The following PRKCH variants were observed in gnomAD, a reference collection of about 807,000 sequenced individuals.
PRKCH encodes protein kinase C eta.
Under a neutral mutation model 82.5 loss-of-function variants are expected in PRKCH, and 28 were observed. The ratio of observed to expected loss-of-function variants is 0.34; its 90% CI spans 0.25 to 0.47. PRKCH has a LOEUF of 0.47. Ranked by LOEUF, PRKCH falls within the 20% of genes least tolerant of loss-of-function variation. The pLI is 1.00. For missense variants in PRKCH, 705 were observed against 881.8 expected, an observed-to-expected ratio of 0.80 and a Z score of 2.54; for synonymous variants, 322 against 327.4, an observed-to-expected ratio of 0.98 and a Z score of 0.18.
chr14:61,290,196 G>A (rs576597262), intron 1 of PRKCH, among the ~76,000 whole-genome samples: 1 of 152,088 alleles, frequency 6.6e-6, no homozygotes, highest in African/African-American at 2.4e-5. Context: ...GAAGGCTGAG[G>A]CAGGAGAATT....
intron 1 of PRKCH, among the ~76,000 whole-genome samples, chr14:61,191,317 T>G (rs1427541824): frequency 6.6e-6 from 1 of 152,216 alleles, no homozygotes; most frequent in Admixed American, 6.5e-5. Flanking sequence ...TCACCTATTT[T>G]TTTCTCAGGC....
chr14:61,452,971 C>T, intron 6 of PRKCH: 2 of 487,774 alleles, frequency 4.1e-6, no homozygotes, highest in South Asian at 2.5e-5. Flanking sequence ...TGGGTTTCAT[C>T]AAATCATGGT....
intron 1 of PRKCH, among the ~76,000 whole-genome samples, chr14:61,188,588 TC>T (rs1257723079): frequency 0.094 from 6,534 of 69,426 alleles, 1,405 homozygotes; most frequent in Admixed American, 0.21. Context: ...TGTGTGTGTG[TC>T]GGGGGGGTGG....
chr14:61,463,775 A>T (rs927317747), intron 9 of PRKCH, among the ~76,000 whole-genome samples: 1 of 152,130 alleles, frequency 6.6e-6, no homozygotes, highest in Non-Finnish European at 1.5e-5. Flanking sequence ...TTCTGTTTCT[A>T]TGAGTTTGGC....
At chr14:61,247,735 CAAAAAAA>C (rs202153655) in intron 1 of PRKCH, among the ~76,000 whole-genome samples, 3 of 52,720 alleles carry the variant, frequency 5.7e-5, no homozygotes, top group African/African-American at 7.9e-5. Flanking sequence ...GACTCCATCT[CAAAAAAA>C]AAAAAAAAAA....
chr14:61,390,253 A>G (rs115931011), intron 1 of PRKCH, among the ~76,000 whole-genome samples: 4,005 of 152,230 alleles, frequency 0.026, 159 homozygotes, highest in African/African-American at 0.09. Context: ...GTCTTTCGGA[A>G]ACTGGACTAT....
chr14:61,437,644 C>T (rs563923601), intron 2 of PRKCH, among the ~76,000 whole-genome samples: 1 of 151,972 alleles, frequency 6.6e-6, no homozygotes, highest in Non-Finnish European at 1.5e-5. Flanking sequence ...ACCAGGAGAC[C>T]TGGTGTTAAT....
chr14:61,201,359 G>A (rs1405844885), intron 1 of PRKCH, among the ~76,000 whole-genome samples: 3 of 152,248 alleles, frequency 2.0e-5, no homozygotes, highest in Admixed American at 2.0e-4. Context: ...CGGCTCTTCA[G>A]TGGCAGAGCT....
intron 1 of PRKCH, among the ~76,000 whole-genome samples, chr14:61,200,303 T>C (rs2140038066): frequency 6.6e-6 from 1 of 152,322 alleles, no homozygotes; most frequent in East Asian, 1.9e-4. Context: ...CCCTAGACTC[T>C]TCATTCATTA....
At chr14:61,369,930 A>G (rs952320539) in intron 1 of PRKCH, among the ~76,000 whole-genome samples, 2 of 152,026 alleles carry the variant, frequency 1.3e-5, no homozygotes, top group Admixed American at 6.5e-5. Context: ...ATATGTGTAT[A>G]TATATGTGTG....
At position 61,280,570 on chromosome 14, in the gene PRKCH, C is replaced by G; in HGVS notation, c.-19+92902C>G. On this transcript the variant is annotated intron_variant, in intron 1 of 3. Transcript: ENST00000555185. This position sits in a 1 kb window ranked among gnomAD's most constrained non-coding sequence, Gnocchi z 5.0. ...GTCGGTCCACCAGGCGATGCCGGAGCGGTCGAGCGGCACCTCGACGTAGGG... is the reference window on the plus strand; with the variant it reads ...GTCGGTCCACCAGGCGATGCCGGAGGGGTCGAGCGGCACCTCGACGTAGGG... 4 of 1,604,702 alleles carry G rather than the reference C, an allele frequency of 2.5e-6. No individual in the cohort carries two copies. The highest frequency in any genetic ancestry group is 3.4e-6 in the Non-Finnish European group (4 of 1,176,090).
rs752497357 is a variant in PRKCH at position 61,280,272 on chromosome 14, C to A, written c.-19+92604C>A. 6.2e-7 allele frequency: 1 copy of A among 1,613,964 alleles called. No individual in the cohort carries two copies. Among genetic ancestry groups the A allele is most frequent in the Non-Finnish European group, 8.5e-7 (1 of 1,179,988 alleles). On this transcript the variant is annotated intron_variant, in intron 1 of 3. Transcript: ENST00000555185. The surrounding 1 kb of genome is among the most constrained non-coding windows in gnomAD (Gnocchi z 5.0). ...GCTTGTGGCCGCCGAACGCGCGCAC[C>A]GGGTAGTTGTAGGTGATGTTGACGC...
At chr14:61,433,043 C>CAAAAAAAAAAAAAAAAAAA (rs34477992) in intron 2 of PRKCH, among the ~76,000 whole-genome samples, 25 of 110,956 alleles carry the variant, frequency 2.3e-4, no homozygotes, top group African/African-American at 8.6e-4. Flanking sequence ...CCAACCTCTT[C>CAAAAAAAAAAAAAAAAAAA]AAAAAAAAAA....
chr14:61,366,264 G>A (rs1297278144), intron 1 of PRKCH, among the ~76,000 whole-genome samples: 1 of 152,108 alleles, frequency 6.6e-6, no homozygotes, highest in Non-Finnish European at 1.5e-5. Flanking sequence ...TTTTAAATTA[G>A]CATATTGCCA....
At chr14:61,310,246 C>T (rs944271676) in intron 1 of PRKCH, among the ~76,000 whole-genome samples, 5 of 152,190 alleles carry the variant, frequency 3.3e-5, no homozygotes, top group African/African-American at 1.2e-4. Context: ...CAAAAGTCCA[C>T]AGTCCAAAGT....
At chr14:61,210,953 C>G (rs1220103829) in intron 1 of PRKCH, among the ~76,000 whole-genome samples, 1 of 152,110 alleles carries the variant, frequency 6.6e-6, no homozygotes, top group Non-Finnish European at 1.5e-5. Flanking sequence ...AGCGTTAACC[C>G]AAAAGTCCAA....
chr14:61,432,457 C>G (rs576256847), intron 2 of PRKCH, among the ~76,000 whole-genome samples: 2 of 152,142 alleles, frequency 1.3e-5, no homozygotes, highest in African/African-American at 2.4e-5. Context: ...TCTCAGTTTT[C>G]TGAAATATCT....
chr14:61,428,434 G>C (rs1231361637), intron 2 of PRKCH, among the ~76,000 whole-genome samples: 1 of 152,096 alleles, frequency 6.6e-6, no homozygotes, highest in African/African-American at 2.4e-5. Context: ...GCTTTCACTA[G>C]TTTTTCAGGG....
intron 11 of PRKCH, 81 bp downstream of exon 11, chr14:61,529,294 G>A: frequency 6.7e-7 from 1 of 1,496,370 alleles, no homozygotes; most frequent in Non-Finnish European, 9.0e-7. Flanking sequence ...CTGCTTTTAT[G>A]CACTGCAGCT....
Sources: gnomAD v4.1 joint callset for allele counts (sites outside exome capture counted in the v4.1 genomes callset) on GRCh38, gnomAD v4.1.1 for gene constraint, Gnocchi (gnomAD v3.1) non-coding constraint, MANE v1.5 for transcripts, NCBI Gene and HGNC (gene_info 2026-07-23, HGNC 2026-07-21) for gene names.